Variants in FOXP2 observed in about 807,000 individuals in gnomAD.
FOXP2 encodes the protein forkhead box protein P2.
Under a neutral mutation model 115.8 loss-of-function variants are expected in FOXP2, and 12 were observed. The observed-to-expected ratio is 0.10, with a 90% CI of 0.07 to 0.17. The LOEUF is 0.17. Among genes scored for constraint, FOXP2 ranks in the 10% least tolerant of loss-of-function variants. The probability of loss-of-function intolerance (pLI) is 1.00; values close to 1 mark genes in which losing one functional copy is unlikely to be tolerated. For missense variants in FOXP2, 629 were observed against 843.5 expected, an observed-to-expected ratio of 0.75 and a Z score of 3.15; for synonymous variants, 328 against 297.7, an observed-to-expected ratio of 1.10 and a Z score of -1.05.
intron 3 of FOXP2, among the ~76,000 whole-genome samples, chr7:114,605,917 G>A (rs941071669): frequency 6.6e-6 from 1 of 152,152 alleles, no homozygotes; most frequent in African/African-American, 2.4e-5. Flanking sequence ...AGATAATTCT[G>A]GCAACAACGA....
intron 2 of FOXP2, among the ~76,000 whole-genome samples, chr7:114,509,822 C>T (rs1797986351): frequency 6.6e-6 from 1 of 151,226 alleles, no homozygotes; most frequent in Non-Finnish European, 1.5e-5. Flanking sequence ...TATGAGTTGT[C>T]AGCATATAGA....
intron 2 of FOXP2, among the ~76,000 whole-genome samples, chr7:114,497,705 A>G (rs1190566770): frequency 1.3e-5 from 2 of 148,980 alleles, no homozygotes; most frequent in Admixed American, 1.3e-4. Context: ...AAATAAATAA[A>G]TAAAAGTTGC....
At chr7:114,539,114 A>G (rs1453050839) in intron 3 of FOXP2, among the ~76,000 whole-genome samples, 1 of 151,902 alleles carries the variant, frequency 6.6e-6, no homozygotes, top group African/African-American at 2.4e-5. Context: ...AAAAGCTGAC[A>G]AAACCAGAAA....
chr7:114,463,201 G>A (rs763244394), intron 2 of FOXP2: 1 of 227,688 alleles, frequency 4.4e-6, no homozygotes, highest in African/African-American at 2.4e-5. Context: ...GCTCTTGCAT[G>A]TTTATTTATA....
At chr7:114,353,334 C>CT (rs138925770) in intron 2 of FOXP2, among the ~76,000 whole-genome samples, 2,245 of 64,062 alleles carry the variant, frequency 0.035, 163 homozygotes, top group African/African-American at 0.04. Flanking sequence ...ATAGGAGCCT[C>CT]TTTTTTTTTT....
At chr7:114,489,859 A>C (rs1355185529) in intron 2 of FOXP2, among the ~76,000 whole-genome samples, 1 of 152,118 alleles carries the variant, frequency 6.6e-6, no homozygotes, top group Non-Finnish European at 1.5e-5. Flanking sequence ...AGGAAATGCA[A>C]ATTAAAACAA....
chr7:114,448,259 A>G (rs1378883887), intron 2 of FOXP2, among the ~76,000 whole-genome samples: 1 of 152,152 alleles, frequency 6.6e-6, no homozygotes, highest in Non-Finnish European at 1.5e-5. Context: ...TATAATAACT[A>G]CTGATATTAA....
chr7:114,640,135 G>T (rs899063923), intron 6 of FOXP2, among the ~76,000 whole-genome samples: 2 of 152,076 alleles, frequency 1.3e-5, no homozygotes, highest in African/African-American at 4.8e-5. Context: ...TCATGAAAAA[G>T]GATTTGCTAA....
chr7:114,309,688 CAG>C (rs1345374703), intron 2 of FOXP2, among the ~76,000 whole-genome samples: 5 of 151,972 alleles, frequency 3.3e-5, no homozygotes, highest in Admixed American at 1.3e-4. Context: ...TTCTTTGAGA[CAG>C]AGTCTTACTT....
rs565167015 is a variant in FOXP2 at position 114,333,700 on chromosome 7, A to G, written c.-11+45591A>G. Among the ~76,000 whole-genome samples the G allele has an allele frequency of 3.9e-5, 6 of 152,282 alleles. No homozygotes were observed. The East Asian group carries it at 1.2e-3, about 29-fold the overall frequency. On this transcript the variant is annotated intron_variant, in intron 2 of 17. Transcript: ENST00000634411. ...CCAGGAGTTTGAGACCAGCTTGGCC[A>G]ACATGGTGAAACCCCCGTCTCTAGT...
intron 2 of FOXP2, among the ~76,000 whole-genome samples, chr7:114,321,783 A>G (rs1000065645): frequency 6.6e-6 from 1 of 152,166 alleles, no homozygotes; most frequent in African/African-American, 2.4e-5. Context: ...GTCCAGGTAC[A>G]TTTTTGGTTT....
intron 2 of FOXP2, among the ~76,000 whole-genome samples, chr7:114,303,161 T>C (rs193183705): frequency 1.2e-4 from 18 of 152,260 alleles, no homozygotes; most frequent in Non-Finnish European, 2.6e-4. Flanking sequence ...TTTTGAATCA[T>C]TGAAATAAAA....
intron 1 of FOXP2, among the ~76,000 whole-genome samples, chr7:114,420,204 G>GCTCT (rs909960708): frequency 1.4e-4 from 21 of 151,998 alleles, no homozygotes; most frequent in African/African-American, 3.9e-4. Flanking sequence ...CATACTCAGA[G>GCTCT]CTCTCATTAG....
chr7:114,115,562 G>A (rs1411285615), intron 1 of FOXP2, among the ~76,000 whole-genome samples: 1 of 151,920 alleles, frequency 6.6e-6, no homozygotes, highest in African/African-American at 2.4e-5. Context: ...GCCCTTATTG[G>A]AGCTTTTTCT....
intron 1 of FOXP2, among the ~76,000 whole-genome samples, chr7:114,266,931 T>A (rs992532042): frequency 4.6e-5 from 7 of 152,130 alleles, no homozygotes; most frequent in Admixed American, 4.6e-4. Context: ...TAATGTCTTA[T>A]AGTAGGTGAT....
intron 16 of FOXP2, among the ~76,000 whole-genome samples, chr7:114,672,059 A>T (rs1382343911): frequency 3.3e-5 from 5 of 152,252 alleles, no homozygotes; most frequent in Admixed American, 2.0e-4. Context: ...AAATCATTTC[A>T]CATAACTACT....
intron 2 of FOXP2, among the ~76,000 whole-genome samples, chr7:114,319,759 A>C (rs1225568511): frequency 3.3e-5 from 5 of 152,170 alleles, no homozygotes; most frequent in Non-Finnish European, 7.4e-5. Context: ...ACCAAAATAT[A>C]TGGTCATTTT....
chr7:114,527,061 T>C (rs1046459708), intron 2 of FOXP2, among the ~76,000 whole-genome samples: 3 of 151,260 alleles, frequency 2.0e-5, no homozygotes, highest in African/African-American at 7.3e-5. Context: ...AATGATACAG[T>C]ATATGATTTT....
At chr7:114,545,282 T>C (rs957002370) in intron 3 of FOXP2, among the ~76,000 whole-genome samples, 3 of 152,216 alleles carry the variant, frequency 2.0e-5, no homozygotes, top group Admixed American at 6.5e-5. Context: ...GCAACAGTTA[T>C]TGAATCTCAT....
Sources: allele counts gnomAD v4.1 joint callset (sites outside exome capture counted in the v4.1 genomes callset), GRCh38; gene constraint gnomAD v4.1.1; transcripts MANE v1.5; gene names NCBI Gene and HGNC (gene_info 2026-07-23, HGNC 2026-07-21).